Variants in SLC9A3 observed in about 807,000 individuals in gnomAD.
The protein encoded by SLC9A3 is solute carrier family 9 member A3.
Under a neutral mutation model 86.8 loss-of-function variants are expected in SLC9A3, and 37 were observed. That is an observed-to-expected ratio of 0.43 (90% CI 0.33 to 0.56). The LOEUF is 0.56. Among genes scored for constraint, SLC9A3 ranks in the 20% least tolerant of loss-of-function variants. The pLI is 0.06. For synonymous variants in SLC9A3, 581 were observed against 528.3 expected, an observed-to-expected ratio of 1.10 and a Z score of -1.37; for missense variants, 1,011 against 1,171.9, an observed-to-expected ratio of 0.86 and a Z score of 2.00.
At chr5:509,412 C>T (rs1740776377) in intron 1 of SLC9A3, among the ~76,000 whole-genome samples, 1 of 150,416 alleles carries the variant, frequency 6.6e-6, no homozygotes. Flanking sequence ...TGAGCTCATG[C>T]CACTGCACTG....
chr5:484,852 G>A (rs758952440), intron 4 of SLC9A3, among the ~76,000 whole-genome samples, 155 bp from the exon 5 acceptor site: 2 of 152,224 alleles, frequency 1.3e-5, no homozygotes, highest in Non-Finnish European at 2.9e-5. Context: ...CACCAGCCTT[G>A]GTTCAGCAAG....
intron 1 of SLC9A3, among the ~76,000 whole-genome samples, chr5:513,990 TGAAGAGA>T: frequency 6.6e-6 from 1 of 152,240 alleles, no homozygotes; most frequent in Non-Finnish European, 1.5e-5. Context: ...CAGTTCCGCC[TGAAGAGA>T]TTCCCCCACT....
At position 484,957 on chromosome 5, in the gene SLC9A3, G is replaced by A. The variant is rs78118224; in HGVS notation, c.754+196C>T. 8.1e-3 allele frequency among the ~76,000 whole-genome samples: 1,236 copies of A among 152,346 alleles called. 18 individuals carry two copies. The highest frequency in any genetic ancestry group is 0.028 in the African/African-American group (1,165 of 41,578). ...CCTGGCTGCCCTCATCCCTGTTCTG[G>A]GAAACACCCAGGAACCCCCAGGACC... On this transcript the variant is annotated intron_variant, in intron 4 of 16. Transcript: ENST00000264938.
rs150973602 is a variant in SLC9A3, at chr5:476,341, G to T, written c.1928C>A (p.Thr643Lys). Residue 643 changes from threonine (T) to lysine (K), a missense_variant, in exon 13 of 17, where the codon ACG becomes AAG. Coordinates refer to ENST00000264938, the MANE Select transcript of SLC9A3 (RefSeq NM_004174.4). ...TTCCCGGTCCTGTTTCTCGTCCTCCGTGGGCGTGAGCTCGTGTCGGCTGTA... is the reference window on the plus strand; with the variant it reads ...TTCCCGGTCCTGTTTCTCGTCCTCCTTGGGCGTGAGCTCGTGTCGGCTGTA... ...HLYSRHELTPTEDEKQDREIF... is the reference protein window; with the variant it reads ...HLYSRHELTPKEDEKQDREIF... 8 of 1,613,898 alleles carry T rather than the reference G, an allele frequency of 5.0e-6. No individual in the cohort carries two copies. The highest frequency in any genetic ancestry group is 5.9e-6 in the Non-Finnish European group (7 of 1,180,018).
intron 1 of SLC9A3, among the ~76,000 whole-genome samples, chr5:511,823 G>A (rs1228062856): frequency 6.6e-6 from 1 of 152,264 alleles, no homozygotes; most frequent in East Asian, 1.9e-4. Flanking sequence ...GCCTGCACAT[G>A]GAGGTTTATA....
At chr5:517,991 AT>A (rs1733784693) in intron 1 of SLC9A3, among the ~76,000 whole-genome samples, 1 of 151,908 alleles carries the variant, frequency 6.6e-6, no homozygotes, top group Non-Finnish European at 1.5e-5. Flanking sequence ...CCATTCATCA[AT>A]CCACGCATCC....
chr5:476,613 C>G lies in SLC9A3; in HGVS notation c.1820G>C (p.Ser607Thr). The G allele has an allele frequency of 1.2e-6, 2 of 1,610,034 alleles. No individual in the cohort carries two copies. Among genetic ancestry groups the G allele is most frequent in the Non-Finnish European group, 1.7e-6 (2 of 1,179,884 alleles). Residue 607 changes from serine to threonine, a missense_variant, in exon 12 of 17, where the codon AGC (serine) becomes ACC (threonine). Ser to Thr is a moderately conservative substitution (Grantham distance 58). Coordinates refer to ENST00000264938, the MANE Select transcript of SLC9A3 (RefSeq NM_004174.4). ...DMQSLEQRRRSIRDAEDMVTH... is the reference protein window; with the variant it reads ...DMQSLEQRRRTIRDAEDMVTH... Reference sequence around the variant, plus strand: ...GACCATGTCCTCCGCGTCCCGGATGCTCCGCCGTCGCTGCTCCAGAGACTG... The same window carrying G: ...GACCATGTCCTCCGCGTCCCGGATGGTCCGCCGTCGCTGCTCCAGAGACTG...
intron 3 of SLC9A3, among the ~76,000 whole-genome samples, chr5:485,891 C>T (rs556211983): frequency 5.3e-4 from 81 of 152,250 alleles, no homozygotes; most frequent in Admixed American, 1.7e-3. Context: ...TCTCTTGGGG[C>T]CTTCTCGGAG....
In SLC9A3 at chr5:501,078, C is replaced by T. The variant is rs905995027; in HGVS notation, c.212-9007G>A. Among the ~76,000 whole-genome samples, 12 of 152,306 alleles carry T rather than the reference C, an allele frequency of 7.9e-5. 1 individual carries two copies. The highest frequency in any genetic ancestry group is 2.2e-4 in the African/African-American group (9 of 41,562). ...AATTAAGCACACAATGGCTTGGTGG[C>T]CTGATGGTTACGACAGGGGACAGAC... On this transcript the variant is annotated intron_variant, in intron 1 of 16. Transcript: ENST00000264938.
At chr5:522,355 G>A (rs563325386) in intron 1 of SLC9A3, among the ~76,000 whole-genome samples, 1 of 152,344 alleles carries the variant, frequency 6.6e-6, no homozygotes, top group African/African-American at 2.4e-5. Context: ...TTATCTGCCG[G>A]CTCCCAGGCG....
intron 2 of SLC9A3, among the ~76,000 whole-genome samples, chr5:490,251 T>C: frequency 6.6e-6 from 1 of 152,294 alleles, no homozygotes; most frequent in East Asian, 1.9e-4. Flanking sequence ...GGCACAGCGA[T>C]ACCTGGGACA....
intron 1 of SLC9A3, among the ~76,000 whole-genome samples, chr5:500,099 G>T (rs371238745): frequency 6.6e-6 from 1 of 152,264 alleles, no homozygotes. Context: ...CACTGACTGC[G>T]GCAACCCCGG....
chr5:471,771 G>A lies in SLC9A3; in HGVS notation c.*1608C>T. 2.2e-6 allele frequency: 1 copy of A among 456,486 alleles called. No homozygotes were observed. The highest frequency in any genetic ancestry group is 1.5e-5 in the South Asian group (1 of 64,564). 28.3% of individuals were successfully genotyped at this position (456,486 alleles called of 1,614,324 possible). On this transcript the variant is annotated 3_prime_UTR_variant, in exon 17 of 17. Coordinates refer to ENST00000264938, the MANE Select transcript of SLC9A3 (RefSeq NM_004174.4). ...AGTAACAGTGACTGCAGTTAGGGTC[G>A]AGAGCTTCTCCGAAGCAGCGGTCAT...
Position 475,600 on chromosome 5 carries a change from C to A in SLC9A3, c.2212G>T (p.Ala738Ser), listed in dbSNP as rs1201969979. Residue 738 changes from alanine (A) to serine (S), a missense_variant, in exon 15 of 17, where the codon GCT (alanine) becomes TCT (serine). Ala to Ser is a moderately conservative substitution (Grantham distance 99). This residue lies in a region of SLC9A3 where 397 missense variants were observed against 346.3 expected (regional missense o/e 1.15). Coordinates refer to ENST00000264938, the MANE Select transcript of SLC9A3 (RefSeq NM_004174.4). ...GACGCTGTGTCCTTGGTGACACTAGCCAGGAACTCGATCCCCCCACTCATC... is the reference window on the plus strand; with the variant it reads ...GACGCTGTGTCCTTGGTGACACTAGACAGGAACTCGATCCCCCCACTCATC... ...EEMSGGIEFL[A>S]SVTKDTASDS... 5 of 1,552,462 alleles carry A rather than the reference C, an allele frequency of 3.2e-6. No individual in the cohort carries two copies. The African/African-American group carries it at 5.5e-5, about 17-fold the overall frequency.
chr5:481,736 C>A (rs1033442669), intron 8 of SLC9A3, 101 bp from the exon 9 acceptor site: 11 of 996,288 alleles, frequency 1.1e-5, no homozygotes, highest in Non-Finnish European at 1.6e-5. Flanking sequence ...CACCAGCCCC[C>A]CTCACCACGC....
At chr5:517,222 G>C (rs1044288654) in intron 1 of SLC9A3, among the ~76,000 whole-genome samples, 1 of 139,510 alleles carries the variant, frequency 7.2e-6, no homozygotes, top group Non-Finnish European at 1.5e-5. Flanking sequence ...AACCATTCAC[G>C]CATCAGCCAT....
intron 1 of SLC9A3, among the ~76,000 whole-genome samples, chr5:519,776 T>G (rs2126659712): frequency 6.6e-6 from 1 of 151,238 alleles, no homozygotes; most frequent in South Asian, 2.1e-4. Context: ...AGGCTGAAGC[T>G]CCTGCAGAAA....
At chr5:506,399 C>T (rs539319906) in intron 1 of SLC9A3, among the ~76,000 whole-genome samples, 39 of 152,284 alleles carry the variant, frequency 2.6e-4, no homozygotes, top group South Asian at 6.2e-4. Context: ...CATTCTCACG[C>T]GAGGTGTGCC....
In SLC9A3 at chr5:491,791, G is replaced by A. The variant is rs6870920; in HGVS notation, c.492C>T (p.Gly164=). 6.2e-3 allele frequency: 9,663 copies of A among 1,565,374 alleles called. 442 individuals are homozygous for A. In the African/African-American group the frequency reaches 0.11, roughly 17 times the overall value. ...CACCCATGAGCCCACTGAGGAAGACGCCGTAGAGGGACAGCCCGGTGGTGG... is the reference window on the plus strand; with the variant it reads ...CACCCATGAGCCCACTGAGGAAGACACCGTAGAGGGACAGCCCGGTGGTGG... ...NAATTGLSLY[G]VFLSGLMGDL... Residue 164 remains glycine, a synonymous_variant, in exon 2 of 17, where the codon GGC becomes GGT. Coordinates refer to ENST00000264938, the MANE Select transcript of SLC9A3 (RefSeq NM_004174.4). This position sits in a 1 kb window ranked among gnomAD's most constrained non-coding sequence, Gnocchi z 9.2.
Sources: gnomAD v4.1 joint callset for allele counts (sites outside exome capture counted in the v4.1 genomes callset) on GRCh38, gnomAD v4.1.1 for gene constraint, gnomAD v4.1.1 regional missense constraint, Gnocchi (gnomAD v3.1) non-coding constraint, MANE v1.5 for transcripts, NCBI Gene and HGNC (gene_info 2026-07-23, HGNC 2026-07-21) for gene names.